The following CERS3 variants were observed in gnomAD, a reference collection of about 807,000 sequenced individuals.
CERS3 encodes the protein LAG1 homolog, ceramide synthase 3.
A neutral mutation model predicts 50.3 loss-of-function variants in CERS3; 33 were observed. The observed-to-expected ratio is 0.66, with a 90% confidence interval of 0.50 to 0.88. The LOEUF is 0.88. Ranked by LOEUF, CERS3 falls within the 40% of genes least tolerant of loss-of-function variation. The probability of loss-of-function intolerance (pLI) is 0.00; values close to 1 mark genes in which losing one functional copy is unlikely to be tolerated. For synonymous variants in CERS3, 176 were observed against 155.2 expected, an observed-to-expected ratio of 1.13 and a Z score of -0.99; for missense variants, 470 against 460.3, an observed-to-expected ratio of 1.02 and a Z score of -0.19.
chr15:100,494,286 C>G (rs1205289871), intron 3 of CERS3, among the ~76,000 whole-genome samples: 1 of 143,070 alleles, frequency 7.0e-6, no homozygotes, highest in African/African-American at 2.6e-5. Context: ...CTTGCACTGT[C>G]GCCCAGGCTG....
At chr15:100,479,934 A>C in intron 6 of CERS3, 55 bp downstream of exon 6, 1 of 1,356,774 alleles carries the variant, frequency 7.4e-7, no homozygotes, top group Non-Finnish European at 1.0e-6. Context: ...TTCACAGACA[A>C]GAATTTCAAA....
At chr15:100,468,047 C>A (rs1359378679) in intron 10 of CERS3, among the ~76,000 whole-genome samples, 1 of 151,844 alleles carries the variant, frequency 6.6e-6, no homozygotes, top group Admixed American at 6.6e-5. Flanking sequence ...TTCACAAACA[C>A]ACTTGCTCAG....
intron 2 of CERS3, among the ~76,000 whole-genome samples, chr15:100,516,428 AT>A (rs2142372890): frequency 6.6e-6 from 1 of 152,290 alleles, no homozygotes; most frequent in African/African-American, 2.4e-5. Context: ...GGCCTGTTAA[AT>A]GGGGTTAATT....
At chr15:100,408,027 G>A (rs187501874) in intron 11 of CERS3, among the ~76,000 whole-genome samples, 59 of 152,036 alleles carry the variant, frequency 3.9e-4, no homozygotes, top group Middle Eastern at 6.8e-3. Flanking sequence ...GGCCACCACT[G>A]TGCCTGGCTA....
At chr15:100,543,248 T>C (rs2037244344) in intron 1 of CERS3, among the ~76,000 whole-genome samples, 1 of 152,196 alleles carries the variant, frequency 6.6e-6, no homozygotes, top group Non-Finnish European at 1.5e-5. Flanking sequence ...TTTTGAAAAC[T>C]GTTGGTGTGG....
intron 7 of CERS3, among the ~76,000 whole-genome samples, chr15:100,477,840 G>C (rs183169403): frequency 6.6e-6 from 1 of 152,308 alleles, no homozygotes; most frequent in East Asian, 1.9e-4. Flanking sequence ...GAATACCCTA[G>C]AATATGGGTA....
At chr15:100,488,592 T>G (rs1007085006) in intron 4 of CERS3, among the ~76,000 whole-genome samples, 1 of 152,200 alleles carries the variant, frequency 6.6e-6, no homozygotes, top group East Asian at 1.9e-4. Flanking sequence ...CTGTATTACA[T>G]TCTATCTTCC....
chr15:100,426,290 A>T (rs2032807139), intron 11 of CERS3, among the ~76,000 whole-genome samples: 1 of 152,246 alleles, frequency 6.6e-6, no homozygotes, highest in Non-Finnish European at 1.5e-5. Flanking sequence ...GGAGAAATTC[A>T]CACACATGTT....
In CERS3 at chr15:100,424,637, T is replaced by A. The variant is rs2585219; in HGVS notation, c.1000-21772A>T. On this transcript the variant is annotated intron_variant, in intron 11 of 11. Coordinates refer to ENST00000679737, the MANE Select transcript of CERS3 (RefSeq NM_001378789.1). ...CTTGAGTGAGATGATTTAGGGTATC[T>A]GGTAGAAGAAATTTTTAAGCAGCAA... is the stretch of plus-strand genomic sequence containing the variant. 2.0e-5 allele frequency among the ~76,000 whole-genome samples: 3 copies of A among 152,228 alleles called. No homozygotes were observed. In the East Asian group the frequency reaches 5.8e-4, roughly 29 times the overall value.
rs1596706342 is a variant in CERS3, at chr15:100,464,583, T to C, written c.845+4795A>G. ...GTTATTTGTGGAGGAAAACTGTTAG[T>C]AGTCAGAGGAAGTGGTTTGCCTGGC... On this transcript the variant is annotated intron_variant, in intron 10 of 11. Transcript: ENST00000679737. Among the ~76,000 whole-genome samples, 3 of 152,334 alleles carry C rather than the reference T, an allele frequency of 2.0e-5. No individual in the cohort carries two copies. In the South Asian group the frequency reaches 6.2e-4, roughly 32 times the overall value.
chr15:100,418,662 T>C (rs1381045448), intron 11 of CERS3, among the ~76,000 whole-genome samples: 3 of 129,172 alleles, frequency 2.3e-5, no homozygotes, highest in East Asian at 4.3e-4. Context: ...AAGGAAAAAA[T>C]GTTAAGGGCA....
chr15:100,468,827 G>A (rs942787933), intron 10 of CERS3, among the ~76,000 whole-genome samples: 6 of 152,118 alleles, frequency 3.9e-5, no homozygotes, highest in African/African-American at 1.2e-4. Context: ...CAATCATATC[G>A]AAAGGATACT....
chr15:100,519,618 C>T (rs2036585836), intron 2 of CERS3, among the ~76,000 whole-genome samples: 1 of 152,194 alleles, frequency 6.6e-6, no homozygotes, highest in African/African-American at 2.4e-5. Context: ...GATTGTTTCT[C>T]TTCCCTGCCC....
At chr15:100,417,223 G>A (rs941024361) in intron 11 of CERS3, among the ~76,000 whole-genome samples, 43 of 151,548 alleles carry the variant, frequency 2.8e-4, no homozygotes, top group Admixed American at 2.1e-3. Flanking sequence ...CAGTGGGTGC[G>A]TGCACCGTGC....
intron 7 of CERS3, among the ~76,000 whole-genome samples, chr15:100,477,737 T>C (rs1361826309): frequency 1.3e-5 from 2 of 152,134 alleles, no homozygotes; most frequent in Non-Finnish European, 2.9e-5. Context: ...GACTGTAATA[T>C]CAGAGTACTA....
intron 11 of CERS3, among the ~76,000 whole-genome samples, chr15:100,404,785 G>T (rs1275801255): frequency 6.6e-6 from 1 of 152,234 alleles, no homozygotes; most frequent in Non-Finnish European, 1.5e-5. Context: ...ATGCAGATCA[G>T]TGGAACAGAA....
intron 9 of CERS3, among the ~76,000 whole-genome samples, chr15:100,472,119 G>A (rs1334348048): frequency 1.3e-5 from 2 of 152,164 alleles, no homozygotes; most frequent in African/African-American, 4.8e-5. Context: ...GTATTCAATT[G>A]TTAGCCCTTC....
At chr15:100,426,343 GA>G (rs2032811766) in intron 11 of CERS3, among the ~76,000 whole-genome samples, 1 of 152,096 alleles carries the variant, frequency 6.6e-6, no homozygotes, top group Admixed American at 6.5e-5. Flanking sequence ...TATAATGAGT[GA>G]AAAAAGCTAC....
chr15:100,434,124 C>T (rs1324852892), intron 11 of CERS3, among the ~76,000 whole-genome samples: 1 of 152,188 alleles, frequency 6.6e-6, no homozygotes, highest in African/African-American at 2.4e-5. Flanking sequence ...AAGACGTGAC[C>T]ATGTTTCCAG....
Sources: gnomAD v4.1 joint callset for allele counts (sites outside exome capture counted in the v4.1 genomes callset) on GRCh38, gnomAD v4.1.1 for gene constraint, MANE v1.5 for transcripts, NCBI Gene and HGNC (gene_info 2026-07-23, HGNC 2026-07-21) for gene names.